Variants in CHD5 observed in about 807,000 individuals in gnomAD.
CHD5 encodes ATP-dependent chromatin remodeler CHD5.
CHD5 carries 69 observed loss-of-function variants against 230.3 expected under a neutral mutation model. The ratio of observed to expected loss-of-function variants is 0.30; its 90% confidence interval spans 0.25 to 0.37. The LOEUF (loss-of-function observed/expected upper bound fraction) is 0.37. Ranked by LOEUF, CHD5 falls within the 10% of genes least tolerant of loss-of-function variation. The pLI, the probability that CHD5 is intolerant of heterozygous loss-of-function variation, is 1.00. For synonymous variants in CHD5, 1,064 were observed against 1,065.9 expected (o/e 1.00, Z 0.03); for missense variants, 1,827 against 2,622.8 (o/e 0.70, Z 6.63).
Position 6,128,918 on chromosome 1 carries a change from T to C in CHD5, c.3539A>G (p.Lys1180Arg). ...HLVVRPGLGS[K>R]SGSMTKQELD... ...CTCCTGCTTGGTCATGGACCCCGACTTGGAGCCGAGGCCGGGCCGCACCAC... is the reference window on the plus strand; with the variant it reads ...CTCCTGCTTGGTCATGGACCCCGACCTGGAGCCGAGGCCGGGCCGCACCAC... Residue 1180 changes from lysine to arginine, a missense_variant, in exon 23 of 42, where the codon AAG (lysine) becomes AGG (arginine). Coordinates refer to ENST00000262450, the MANE Select transcript of CHD5 (RefSeq NM_015557.3). The surrounding 1 kb of genome is among the most constrained non-coding windows in gnomAD (Gnocchi z 7.8). 1 of 1,613,376 alleles carries C rather than the reference T, an allele frequency of 6.2e-7. No homozygotes were observed. The highest frequency in any genetic ancestry group is 8.5e-7 in the Non-Finnish European group (1 of 1,179,986).
chr1:6,131,879 A>G lies in CHD5; in HGVS notation c.3145-131T>C. The G allele has an allele frequency of 1.5e-6, 1 of 649,910 alleles. No homozygotes were observed. The highest frequency in any genetic ancestry group is 2.8e-6 in the Non-Finnish European group (1 of 357,072). The allele number at this position is 649,910 out of a possible 1,614,324, so 40.3% of individuals were successfully genotyped here. On this transcript the variant is annotated intron_variant, in intron 20 of 41. Transcript: ENST00000262450. The surrounding 1 kb of genome is among the most constrained non-coding windows in gnomAD (Gnocchi z 5.0). ...GTGGGGAGACAGCTGGGACCCAGGC[A>G]GGCCCAATGCAGGACTCTGGGGAAG...
chr1:6,179,787 G>C (rs1171320689), intron 1 of CHD5, among the ~76,000 whole-genome samples, 158 bp downstream of exon 1: 4 of 146,176 alleles, frequency 2.7e-5, no homozygotes, highest in African/African-American at 9.8e-5. Context: ...TGGCCGCGCG[G>C]CGCCAGCAGG....
chr1:6,106,401 C>T lies in CHD5; in HGVS notation c.5851G>A (p.Val1951Met). The change falls in exon 40 of 42, where the codon GTG becomes ATG. Residue 1951 changes from valine to methionine, a missense_variant. By Grantham distance (21) the Val-to-Met change is conservative. This residue lies in a region of CHD5 where 208 missense variants were observed against 302.0 expected (regional missense o/e 0.69). Coordinates refer to ENST00000262450, the MANE Select transcript of CHD5 (RefSeq NM_015557.3). The part of the protein sequence containing the change: ...NYNQMPLGPY[V>M]TDI ...GGAGCGGACGGGCACCTACCGGTCA[C>T]ATAGGGCCCCAGGGGCATCTGGTTG... 6.3e-7 allele frequency: 1 copy of T among 1,598,048 alleles called. No individual in the cohort carries two copies. The highest frequency in any genetic ancestry group is 8.5e-7 in the Non-Finnish European group (1 of 1,172,878).
intron 31 of CHD5, among the ~76,000 whole-genome samples, chr1:6,123,251 G>A (rs1353303846): frequency 6.6e-6 from 1 of 152,086 alleles, no homozygotes; most frequent in Non-Finnish European, 1.5e-5. Flanking sequence ...GAACCATCCA[G>A]CATTGCGAAA....
In CHD5 at chr1:6,134,012, C is replaced by A; in HGVS notation, c.3144+116G>T. On this transcript the variant is annotated intron_variant, in intron 20 of 41. Transcript: ENST00000262450. This position sits in a 1 kb window ranked among gnomAD's most constrained non-coding sequence, Gnocchi z 6.3. ...CCCTGACACACAGTCACATGACCCA[C>A]ATGGGAACGGCACTGGGCCCTGAGG... is the stretch of plus-strand genomic sequence containing the variant. 1.0e-6 allele frequency: 1 copy of A among 1,002,490 alleles called. No homozygotes were observed. The highest frequency in any genetic ancestry group is 1.5e-5 in the South Asian group (1 of 65,934). The allele number at this position is 1,002,490 out of a possible 1,614,324, so 62.1% of individuals were successfully genotyped here. A position where few individuals can be genotyped will look rare whatever the true frequency, so the allele number is the denominator to read the frequency against.
rs951751222 is a variant in CHD5 at position 6,149,002 on chromosome 1, T to G, written c.1235A>C (p.Glu412Ala). The stretch of plus-strand genomic sequence containing the variant: ...GCGGCAGAACTCCATGTGGTCGTCC[T>G]CCTCCTCCTCGCAGCCGCCCTCCTC... Reference protein sequence around the residue: ...EEEEGGCEEEEDDHMEFCRVC... With the variant: ...EEEEGGCEEEADDHMEFCRVC... Residue 412 changes from glutamate to alanine, a missense_variant, in exon 9 of 42, where the codon GAG (glutamate) becomes GCG (alanine). Transcript: ENST00000262450. 4 of 1,607,058 alleles carry G rather than the reference T, an allele frequency of 2.5e-6. No individual in the cohort carries two copies. The highest frequency in any genetic ancestry group is 3.4e-6 in the Non-Finnish European group (4 of 1,177,210).
chr1:6,136,542 TGAG>T lies in CHD5; in HGVS notation c.2668_2670del (p.Leu890del). The T allele has an allele frequency of 1.2e-6, 2 of 1,614,020 alleles. No homozygotes were observed. Among genetic ancestry groups the T allele is most frequent in the Non-Finnish European group, 1.7e-6 (2 of 1,180,014 alleles). On this transcript the variant is annotated inframe_deletion, in exon 17 of 42. Transcript: ENST00000262450. Reference sequence around the variant, plus strand: ...TTGAACCTCTCTGGAGTCAGGAAGTTGAGGAGATGGAACAGCTCCTCCAGGTTG... The same window carrying T: ...TTGAACCTCTCTGGAGTCAGGAAGTTGAGATGGAACAGCTCCTCCAGGTTG...
rs760160713 is a variant in CHD5 at position 6,124,668 on chromosome 1, TGG to T, written c.4395-9_4395-8del. ...GAAGAGGGACACATAGGCTCTGGGG[TGG>T]GGGGGGGGGACTGGGGCTCAGGGAG... is the stretch of plus-strand genomic sequence containing the variant. On this transcript the variant is annotated splice_region_variant and splice_polypyrimidine_tract_variant and intron_variant, in intron 29 of 41. Transcript: ENST00000262450. The T allele has an allele frequency of 5.6e-4, 240 of 425,052 alleles. No homozygotes were observed. The highest frequency in any genetic ancestry group is 7.4e-4 in the Admixed American group (16 of 21,682). The allele number at this position is 425,052 out of a possible 1,614,324, so 26.3% of individuals were successfully genotyped here.
At chr1:6,116,982 G>A (rs1472222984) in intron 33 of CHD5, among the ~76,000 whole-genome samples, 4 of 152,242 alleles carry the variant, frequency 2.6e-5, no homozygotes, top group African/African-American at 7.2e-5. Context: ...TGAAAGGGAA[G>A]TGAGTTAGAG....
At chr1:6,120,285 T>C (rs1571143553) in intron 33 of CHD5, among the ~76,000 whole-genome samples, 2 of 152,128 alleles carry the variant, frequency 1.3e-5, no homozygotes, top group South Asian at 4.1e-4. Flanking sequence ...CAACCTCATA[T>C]AGACTCATGT....
intron 7 of CHD5, among the ~76,000 whole-genome samples, chr1:6,150,016 G>C (rs1292744269): frequency 1.3e-5 from 2 of 150,850 alleles, no homozygotes; most frequent in Non-Finnish European, 3.0e-5. Context: ...TGGATGGATG[G>C]ATGGATGGAT....
chr1:6,159,310 C>T (rs1273536921), intron 3 of CHD5, 26 bp downstream of exon 3: 15 of 1,550,568 alleles, frequency 9.7e-6, no homozygotes, highest in East Asian at 4.9e-5. Flanking sequence ...GTCGCTCTGT[C>T]CCCCCAGCCA....
At chr1:6,150,964 G>A (rs1666997899) in intron 7 of CHD5, 68 bp downstream of exon 7, 2 of 1,419,474 alleles carry the variant, frequency 1.4e-6, no homozygotes, top group Non-Finnish European at 1.9e-6. Flanking sequence ...CGTCCAGATG[G>A]GGAGTCCTAC....
chr1:6,114,043 T>C (rs1666336745), intron 33 of CHD5, among the ~76,000 whole-genome samples: 1 of 151,794 alleles, frequency 6.6e-6, no homozygotes, highest in Non-Finnish European at 1.5e-5. Context: ...AGGTCAGGAG[T>C]TCGAGACCAG....
rs1667001286 is a variant in CHD5 at position 6,151,124 on chromosome 1, A to G, written c.902T>C (p.Phe301Ser). The change falls in exon 7 of 42, where the codon TTC becomes TCC. Residue 301 changes from phenylalanine to serine, a missense_variant. Physicochemically the swap from Phe to Ser is radical, Grantham distance 155. Around this residue, in one of 14 missense-constraint regions of CHD5, gnomAD observed 657 missense variants for 816.4 expected, o/e 0.80. Transcript: ENST00000262450. ...SEEDEREESD[F>S]DSASIHSASV... Reference sequence around the variant, plus strand: ...GGCACTGTGGATGCTGGCGCTGTCGAAGTCCGACTCCTCCCTCTCATCTTC... The same window carrying G: ...GGCACTGTGGATGCTGGCGCTGTCGGAGTCCGACTCCTCCCTCTCATCTTC... 2.5e-6 allele frequency: 4 copies of G among 1,608,920 alleles called. No individual in the cohort carries two copies. The highest frequency in any genetic ancestry group is 1.3e-5 in the African/African-American group (1 of 74,836).
chr1:6,161,053 G>T (rs567225903), intron 2 of CHD5, among the ~76,000 whole-genome samples: 3 of 152,152 alleles, frequency 2.0e-5, no homozygotes, highest in Admixed American at 6.5e-5. Context: ...ATGAGATTAA[G>T]ACAGAACCGG....
At chr1:6,141,545 G>A (rs1042162721) in intron 15 of CHD5, among the ~76,000 whole-genome samples, 4 of 147,854 alleles carry the variant, frequency 2.7e-5, no homozygotes, top group South Asian at 2.2e-4. Context: ...AGCCCAGGAC[G>A]GGGAGGTTGC....
rs1666173844 is a variant in CHD5 at position 6,106,661 on chromosome 1, G to A, written c.5697C>T (p.Ile1899=). The A allele has an allele frequency of 2.5e-6, 4 of 1,608,438 alleles. No individual in the cohort carries two copies. Among genetic ancestry groups the A allele is most frequent in the South Asian group, 1.1e-5 (1 of 90,404 alleles). Residue 1899 remains isoleucine (I), a synonymous_variant, in exon 39 of 42, where the codon ATC becomes ATT. Transcript: ENST00000262450. ...AARLQMSERS[I]LSRLTNRAGD... is the part of the protein sequence containing the mutation. ...CGGCGCGGTTGGTCAGGCGGCTCAG[G>A]ATGCTGCGCTCCGACATCTGCAGCC...
intron 13 of CHD5, 49 bp downstream of exon 13, chr1:6,143,774 G>A (rs1162997970): frequency 1.3e-6 from 2 of 1,522,688 alleles, no homozygotes; most frequent in African/African-American, 1.4e-5. Context: ...GTCTGAGGTG[G>A]GCAGGCCCTG....
Sources: gnomAD v4.1 joint callset for allele counts (sites outside exome capture counted in the v4.1 genomes callset) on GRCh38, gnomAD v4.1.1 for gene constraint, gnomAD v4.1.1 regional missense constraint, Gnocchi (gnomAD v3.1) non-coding constraint, MANE v1.5 for transcripts, NCBI Gene and HGNC (gene_info 2026-07-23, HGNC 2026-07-21) for gene names.